CNTNAP4: variants seen among roughly 807,000 people sequenced by gnomAD.
The protein encoded by CNTNAP4 is contactin-associated protein-like 4.
CNTNAP4 carries 98 observed loss-of-function variants against 148.4 expected under a neutral mutation model. The observed-to-expected ratio is 0.66, with a 90% CI of 0.56 to 0.78. The LOEUF (loss-of-function observed/expected upper bound fraction) is 0.78, where lower values mean the gene tolerates loss of function less well. CNTNAP4 is among the 30% of genes least tolerant of loss of function. The probability of loss-of-function intolerance (pLI) is 0.00; values close to 1 mark genes in which losing one functional copy is unlikely to be tolerated. For synonymous variants in CNTNAP4, 730 were observed against 565.1 expected (o/e 1.29, Z -4.14); for missense variants, 1,935 against 1,565.6 (o/e 1.24, Z -3.98).
chr16:76,448,900 G>C lies in CNTNAP4; in HGVS notation c.876G>C (p.Arg292Ser), dbSNP rs143769864. Residue 292 changes from arginine to serine, a missense_variant, in exon 6 of 24, where the codon AGG (arginine) becomes AGC (serine). Physicochemically the swap from Arg to Ser is moderately radical, Grantham distance 110. Coordinates refer to ENST00000611870, the MANE Select transcript of CNTNAP4 (RefSeq NM_033401.5). Reference sequence around the variant, plus strand: ...TCAACTTCACAGTGGACGAACACAGGCATCATTTCCATGCACGGGGAGAAT... The same window carrying C: ...TCAACTTCACAGTGGACGAACACAGCCATCATTTCCATGCACGGGGAGAAT... The part of the protein sequence containing the change: ...KQVNFTVDEH[R>S]HHFHARGEFN... 5 of 1,613,754 alleles carry C rather than the reference G, an allele frequency of 3.1e-6. No individual in the cohort carries two copies. The highest frequency in any genetic ancestry group is 4.2e-6 in the Non-Finnish European group (5 of 1,179,830).
chr16:76,310,589 A>ATGAGGATTTTTGTATGAGGATT (rs1960993496), intron 1 of CNTNAP4, among the ~76,000 whole-genome samples: 2 of 152,068 alleles, frequency 1.3e-5, no homozygotes, highest in Non-Finnish European at 2.9e-5. Flanking sequence ...CAAAGGTCTC[A>ATGAGGATTTTTGTATGAGGATT]CCCTGCCTCT....
chr16:76,385,695 G>A (rs539596439), intron 3 of CNTNAP4, among the ~76,000 whole-genome samples: 1 of 152,112 alleles, frequency 6.6e-6, no homozygotes, highest in Admixed American at 6.6e-5. Flanking sequence ...GCCTCTGACT[G>A]CAATATTTTT....
chr16:76,309,337 TGGTTGGC>T (rs1960839116), intron 1 of CNTNAP4, among the ~76,000 whole-genome samples: 1 of 151,732 alleles, frequency 6.6e-6, no homozygotes, highest in African/African-American at 2.4e-5. Flanking sequence ...TGCAGCAAGG[TGGTTGGC>T]CACCACCATT....
intron 3 of CNTNAP4, among the ~76,000 whole-genome samples, chr16:76,393,644 A>T (rs115882782): frequency 6.6e-6 from 1 of 151,780 alleles, no homozygotes; most frequent in Non-Finnish European, 1.5e-5. Context: ...CAAGGACTTC[A>T]TGGGGGGTGG....
At chr16:76,474,890 A>C (rs2081507911) in intron 10 of CNTNAP4, among the ~76,000 whole-genome samples, 1 of 152,238 alleles carries the variant, frequency 6.6e-6, no homozygotes, top group Admixed American at 6.5e-5. Flanking sequence ...CCTTTTGAAA[A>C]AAATAATATA....
intron 4 of CNTNAP4, among the ~76,000 whole-genome samples, chr16:76,439,562 A>C (rs2079959592): frequency 6.6e-6 from 1 of 152,176 alleles, no homozygotes; most frequent in Non-Finnish European, 1.5e-5. Flanking sequence ...GATGCATTCA[A>C]GTGTCCTTGA....
At chr16:76,402,684 G>A (rs1393824345) in intron 3 of CNTNAP4, among the ~76,000 whole-genome samples, 1 of 151,988 alleles carries the variant, frequency 6.6e-6, no homozygotes, top group Non-Finnish European at 1.5e-5. Flanking sequence ...TTCTTGATGG[G>A]GCATTGAGTG....
intron 10 of CNTNAP4, among the ~76,000 whole-genome samples, chr16:76,470,075 C>T (rs1482135155): frequency 1.3e-5 from 2 of 152,090 alleles, no homozygotes; most frequent in Non-Finnish European, 2.9e-5. Context: ...CTCACAAAAT[C>T]TCTTAGAACC....
At chr16:76,408,376 A>T (rs1469748085) in intron 3 of CNTNAP4, among the ~76,000 whole-genome samples, 1 of 138,786 alleles carries the variant, frequency 7.2e-6, no homozygotes, top group East Asian at 2.0e-4. Flanking sequence ...TTGTTAATCT[A>T]TTAACAATTA....
At chr16:76,278,285 A>G (rs1406342350) in intron 1 of CNTNAP4, among the ~76,000 whole-genome samples, 1 of 152,194 alleles carries the variant, frequency 6.6e-6, no homozygotes, top group Admixed American at 6.5e-5. Flanking sequence ...GGCGAGTCTC[A>G]GTATTAAGAG....
chr16:76,406,073 A>T (rs1286228674), intron 3 of CNTNAP4, among the ~76,000 whole-genome samples: 3 of 152,038 alleles, frequency 2.0e-5, no homozygotes, highest in Admixed American at 1.3e-4. Context: ...AAGAAAAAAA[A>T]ATTAGGCGGG....
chr16:76,419,732 C>T (rs1568092312), intron 3 of CNTNAP4, among the ~76,000 whole-genome samples: 1 of 152,102 alleles, frequency 6.6e-6, no homozygotes, highest in East Asian at 1.9e-4. Context: ...AAACAACAGA[C>T]ATTTATTACT....
chr16:76,449,126 T>C (rs2080361098), intron 6 of CNTNAP4, among the ~76,000 whole-genome samples, 175 bp downstream of exon 6: 1 of 152,180 alleles, frequency 6.6e-6, no homozygotes, highest in East Asian at 1.9e-4. Context: ...TACTTGAACC[T>C]TCATCTTTCT....
At chr16:76,392,495 C>T (rs1417583118) in intron 3 of CNTNAP4, among the ~76,000 whole-genome samples, 1 of 152,032 alleles carries the variant, frequency 6.6e-6, no homozygotes, top group Non-Finnish European at 1.5e-5. Flanking sequence ...CTTCTTACTT[C>T]ATTATATATA....
rs552681872 is a variant in CNTNAP4 at position 76,485,894 on chromosome 16, C to A, written c.1883-3792C>A. 2.6e-5 allele frequency among the ~76,000 whole-genome samples: 4 copies of A among 152,338 alleles called. No homozygotes were observed. In the East Asian group the frequency reaches 7.7e-4, roughly 29 times the overall value. On this transcript the variant is annotated intron_variant, in intron 12 of 23. Transcript: ENST00000611870. Reference sequence around the variant, plus strand: ...GAAGGCTGGCTCTCTCCCCTCCTGTCTCCTCTGCTTTCCTTAAGACAGCAC... The same window carrying A: ...GAAGGCTGGCTCTCTCCCCTCCTGTATCCTCTGCTTTCCTTAAGACAGCAC...
intron 3 of CNTNAP4, among the ~76,000 whole-genome samples, chr16:76,362,072 A>G (rs551135364): frequency 7.2e-5 from 11 of 152,254 alleles, no homozygotes; most frequent in Admixed American, 5.2e-4. Context: ...TATTTTTACT[A>G]TACTATTATT....
chr16:76,479,574 G>C (rs1227686139), intron 12 of CNTNAP4, 36 bp downstream of exon 12: 1 of 1,584,690 alleles, frequency 6.3e-7, no homozygotes, highest in East Asian at 2.3e-5. Context: ...AGTTAAATTT[G>C]CATGCATGTT....
At chr16:76,553,950 T>G (rs377086445) in intron 23 of CNTNAP4, 43 bp downstream of exon 23, 26 of 1,198,918 alleles carry the variant, frequency 2.2e-5, no homozygotes, top group Middle Eastern at 1.9e-4. Flanking sequence ...TTGTTCTTAT[T>G]AATAATGATG....
At chr16:76,496,191 T>G (rs865810623) in intron 14 of CNTNAP4, among the ~76,000 whole-genome samples, 12 of 151,820 alleles carry the variant, frequency 7.9e-5, no homozygotes, top group South Asian at 6.2e-4. Flanking sequence ...TAAACTCTCA[T>G]TTTTCAAATT....
Sources: gnomAD v4.1 joint callset for allele counts (sites outside exome capture counted in the v4.1 genomes callset) on GRCh38, gnomAD v4.1.1 for gene constraint, MANE v1.5 for transcripts, NCBI Gene and HGNC (gene_info 2026-07-23, HGNC 2026-07-21) for gene names.